The following POM121C variants were observed in gnomAD, a reference collection of about 807,000 sequenced individuals.
The protein encoded by POM121C is POM121 transmembrane nucleoporin C, also known as nuclear envelope pore membrane protein POM 121C.
A neutral mutation model predicts 66.4 loss-of-function variants in POM121C; 20 were observed. That is an observed-to-expected ratio of 0.30 (90% CI 0.21 to 0.44). The LOEUF (loss-of-function observed/expected upper bound fraction) is 0.44. Ranked by LOEUF, POM121C falls within the 20% of genes least tolerant of loss-of-function variation. The pLI, the probability that POM121C is intolerant of heterozygous loss-of-function variation, is 1.00. For synonymous variants in POM121C, 286 were observed against 528.0 expected (o/e 0.54, Z 6.28); for missense variants, 580 against 1,225.7 (o/e 0.47, Z 7.87).
intron 11 of POM121C, 45 bp from the exon 12 acceptor site, chr7:75,424,270 T>C (rs371555455): frequency 2.4e-5 from 38 of 1,601,412 alleles, no homozygotes; most frequent in Non-Finnish European, 3.0e-5. Flanking sequence ...TGTCTGGGAC[T>C]TCTTTCCACA....
intron 1 of POM121C, among the ~76,000 whole-genome samples, chr7:75,483,392 C>T (rs1339143356): frequency 2.6e-5 from 4 of 152,018 alleles, no homozygotes; most frequent in East Asian, 1.9e-4. Context: ...CGGTGTGTGT[C>T]GCCTCCCAAA....
intron 7 of POM121C, among the ~76,000 whole-genome samples, chr7:75,432,925 C>T (rs1277882977): frequency 6.6e-6 from 1 of 152,032 alleles, no homozygotes; most frequent in Non-Finnish European, 1.5e-5. Context: ...TTGCACGTTA[C>T]CGATTCTAAC....
At chr7:75,440,812 G>T in intron 5 of POM121C, 142 bp downstream of exon 5, 1 of 1,383,132 alleles carries the variant, frequency 7.2e-7, no homozygotes, top group South Asian at 1.3e-5. Flanking sequence ...TTGTTATTAG[G>T]TTCTCTCATG....
intron 3 of POM121C, among the ~76,000 whole-genome samples, chr7:75,467,390 G>T (rs1791693953): frequency 1.3e-5 from 2 of 151,978 alleles, no homozygotes; most frequent in South Asian, 4.1e-4. Flanking sequence ...AAATTAGCCG[G>T]GTGTGGTGGC....
intron 6 of POM121C, 102 bp downstream of exon 6, chr7:75,439,042 T>G: frequency 7.7e-7 from 1 of 1,303,022 alleles, no homozygotes; most frequent in Non-Finnish European, 1.1e-6. Context: ...CCTGAACTAA[T>G]TAAGCAATGC....
chr7:75,475,787 A>G (rs1792048709), intron 1 of POM121C, among the ~76,000 whole-genome samples: 1 of 152,096 alleles, frequency 6.6e-6, no homozygotes, highest in Admixed American at 6.6e-5. Flanking sequence ...AGCTGTTATT[A>G]GAGTAATGCA....
intron 3 of POM121C, among the ~76,000 whole-genome samples, chr7:75,448,207 A>G (rs1790893868): frequency 6.6e-6 from 1 of 152,084 alleles, no homozygotes; most frequent in South Asian, 2.1e-4. Flanking sequence ...ACTGCATTCC[A>G]GCCTGGGTAA....
intron 5 of POM121C, among the ~76,000 whole-genome samples, chr7:75,440,322 C>A (rs1584672474): frequency 6.6e-6 from 1 of 151,628 alleles, no homozygotes; most frequent in Admixed American, 6.6e-5. Flanking sequence ...AATCCCAGCA[C>A]TTTGGGAGGC....
intron 1 of POM121C, among the ~76,000 whole-genome samples, chr7:75,481,064 CAT>C (rs1192170705): frequency 6.8e-6 from 1 of 147,422 alleles, no homozygotes; most frequent in Non-Finnish European, 1.5e-5. Flanking sequence ...TATATATACA[CAT>C]ACGTATATAG....
chr7:75,443,005 C>G (rs1252649371), intron 3 of POM121C, among the ~76,000 whole-genome samples: 10 of 152,140 alleles, frequency 6.6e-5, no homozygotes, highest in African/African-American at 2.4e-4. Context: ...ATAAAAGGAC[C>G]CGAGACCTAT....
At position 75,481,219 on chromosome 7, in the gene POM121C, G is replaced by T. The variant is rs181481410; in HGVS notation, c.-458+4645C>A. On this transcript the variant is annotated intron_variant, in intron 1 of 14. Transcript: ENST00000615331. ...AATAAAATGCTAAATAGAAAATAAT[G>T]CTATCAAATATATATGTATATATTT... is the stretch of plus-strand genomic sequence containing the variant. Among the ~76,000 whole-genome samples, 1,093 of 150,516 alleles carry T rather than the reference G, an allele frequency of 7.3e-3. 36 individuals are homozygous for T. The highest frequency in any genetic ancestry group is 0.055 in the East Asian group (284 of 5,160).
chr7:75,431,556 T>C (rs1356953372), intron 7 of POM121C, among the ~76,000 whole-genome samples: 4 of 134,232 alleles, frequency 3.0e-5, no homozygotes, highest in Non-Finnish European at 6.1e-5. Context: ...TGAGCCAAGA[T>C]TGTGCCATTG....
chr7:75,440,871 CTGTATCTTTACGGGAA>C, intron 5 of POM121C, 67 bp downstream of exon 5: 1 of 1,610,262 alleles, frequency 6.2e-7, no homozygotes. Flanking sequence ...GACGTGGCCT[CTGTATCTTTACGGGAA>C]TGTCTACATC....
intron 1 of POM121C, among the ~76,000 whole-genome samples, chr7:75,479,180 C>T (rs1402834322): frequency 6.6e-6 from 1 of 152,112 alleles, no homozygotes; most frequent in Non-Finnish European, 1.5e-5. Flanking sequence ...TATAATAATT[C>T]ATCATCAACT....
At position 75,424,072 on chromosome 7, in the gene POM121C, G is replaced by A. The variant is rs1789835958; in HGVS notation, c.1025C>T (p.Pro342Leu). 1 of 1,611,772 alleles carries A rather than the reference G, an allele frequency of 6.2e-7. No homozygotes were observed. Residue 342 changes from proline to leucine, a missense_variant, in exon 12 of 15, where the codon CCC (proline) becomes CTC (leucine). Pro to Leu is a moderately conservative substitution (Grantham distance 98). Transcript: ENST00000615331. ...LLESLKKMQT[P>L]PSLPPCPESA... The stretch of plus-strand genomic sequence containing the variant: ...ACCTGGGCAGGGTGGCAGGCTCGGG[G>A]GAGTCTGCATCTTCTTCAAGCTCTC...
At chr7:75,458,794 G>A (rs1398195762) in intron 3 of POM121C, among the ~76,000 whole-genome samples, 18 of 152,020 alleles carry the variant, frequency 1.2e-4, no homozygotes, top group Admixed American at 3.3e-4. Context: ...AGAAAAATCC[G>A]AACCCAGAAA....
At chr7:75,440,161 G>A (rs587695013) in intron 5 of POM121C, among the ~76,000 whole-genome samples, 45 of 152,038 alleles carry the variant, frequency 3.0e-4, no homozygotes, top group African/African-American at 1.0e-3. Context: ...GATTATAGGC[G>A]TGAGCCACCT....
At chr7:75,468,594 C>T (rs1791760134) in intron 3 of POM121C, among the ~76,000 whole-genome samples, 1 of 152,152 alleles carries the variant, frequency 6.6e-6, no homozygotes. Flanking sequence ...GTTGGGATTA[C>T]AGGCGTGAGC....
intron 3 of POM121C, among the ~76,000 whole-genome samples, chr7:75,466,211 T>TA (rs35718925): frequency 0.4 from 56,133 of 138,796 alleles, 12,762 homozygotes; most frequent in East Asian, 0.93. Flanking sequence ...GAAGAAGCAA[T>TA]AAAAAAAAAA....
Sources: gnomAD v4.1 joint callset for allele counts (sites outside exome capture counted in the v4.1 genomes callset) on GRCh38, gnomAD v4.1.1 for gene constraint, MANE v1.5 for transcripts, NCBI Gene and HGNC (gene_info 2026-07-23, HGNC 2026-07-21) for gene names.